The following RXFP1 variants were observed in gnomAD, a reference collection of about 807,000 sequenced individuals.
RXFP1 encodes relaxin family peptide receptor 1.
Under a neutral mutation model 89.8 loss-of-function variants are expected in RXFP1, and 73 were observed. That is an observed-to-expected ratio of 0.81 (90% CI 0.67 to 0.99). RXFP1 has a LOEUF of 0.99. RXFP1 is among the 50% of genes least tolerant of loss of function. RXFP1 has a pLI of 0.00. For synonymous variants in RXFP1, 277 were observed against 305.5 expected, an observed-to-expected ratio of 0.91 and a Z score of 0.97; for missense variants, 793 against 895.5, an observed-to-expected ratio of 0.89 and a Z score of 1.46.
chr4:158,649,349 AT>A (rs1191761303), intron 17 of RXFP1, among the ~76,000 whole-genome samples: 2 of 152,034 alleles, frequency 1.3e-5, no homozygotes, highest in Non-Finnish European at 2.9e-5. Context: ...TAATTACTGC[AT>A]TTTTTTTCAA....
chr4:158,560,788 G>T (rs74691372), intron 1 of RXFP1, among the ~76,000 whole-genome samples: 1 of 152,282 alleles, frequency 6.6e-6, no homozygotes, highest in East Asian at 1.9e-4. Context: ...TCCATCTCTT[G>T]TGTCAAGAAA....
intron 12 of RXFP1, among the ~76,000 whole-genome samples, chr4:158,636,074 T>C (rs989303107): frequency 5.3e-5 from 8 of 152,062 alleles, no homozygotes; most frequent in African/African-American, 1.9e-4. Flanking sequence ...TTTTCAAAGA[T>C]TCTGAAATTT....
At chr4:158,628,832 A>G (rs1227744670) in intron 11 of RXFP1, 123 bp downstream of exon 11, 3 of 467,546 alleles carry the variant, frequency 6.4e-6, no homozygotes, top group Non-Finnish European at 1.1e-5. Context: ...CATTATTTAC[A>G]TATATACACC....
chr4:158,525,000 C>A (rs1742131033), intron 1 of RXFP1, among the ~76,000 whole-genome samples: 1 of 152,140 alleles, frequency 6.6e-6, no homozygotes, highest in East Asian at 1.9e-4. Context: ...GGCTACCTGG[C>A]CTTTGCTTTG....
intron 1 of RXFP1, among the ~76,000 whole-genome samples, chr4:158,553,469 T>C (rs1451844606): frequency 6.6e-6 from 1 of 151,716 alleles, no homozygotes; most frequent in Non-Finnish European, 1.5e-5. Context: ...GAAGCTCAGG[T>C]GAAGGACTGA....
At chr4:158,561,765 T>G (rs1752502489) in intron 1 of RXFP1, among the ~76,000 whole-genome samples, 1 of 151,640 alleles carries the variant, frequency 6.6e-6, no homozygotes, top group Non-Finnish European at 1.5e-5. Context: ...GTAGCCAGGA[T>G]TACAGGCGTG....
chr4:158,541,380 A>ACACG (rs1248381072), intron 1 of RXFP1, among the ~76,000 whole-genome samples: 3 of 151,720 alleles, frequency 2.0e-5, no homozygotes, highest in African/African-American at 7.3e-5. Context: ...ACACACACAC[A>ACACG]CAGTGTCCAG....
In RXFP1 at chr4:158,526,857, A is replaced by C. The variant is rs555027540; in HGVS notation, c.49+4832A>C. Among the ~76,000 whole-genome samples the C allele has an allele frequency of 3.3e-5, 5 of 152,312 alleles. No individual in the cohort carries two copies. The South Asian group carries it at 6.2e-4, about 19-fold the overall frequency. ...GACTTTTCACCAGCTGGTCTAGGCC[A>C]CCTGGAGCCCTTGCCTCTGGCCATT... is the stretch of plus-strand genomic sequence containing the variant. On this transcript the variant is annotated intron_variant, in intron 1 of 17. Transcript: ENST00000307765.
chr4:158,639,238 A>T, intron 13 of RXFP1, 22 bp from the exon 14 acceptor site: 1 of 1,316,732 alleles, frequency 7.6e-7, no homozygotes, highest in Non-Finnish European at 1.1e-6. Flanking sequence ...CCTTTGATTG[A>T]TTATTAATTT....
At chr4:158,576,223 G>T (rs1756168583) in intron 2 of RXFP1, among the ~76,000 whole-genome samples, 1 of 152,086 alleles carries the variant, frequency 6.6e-6, no homozygotes, top group Non-Finnish European at 1.5e-5. Context: ...TCCAAAAGTA[G>T]TCCTGAGACC....
At chr4:158,547,944 G>A (rs899837303) in intron 1 of RXFP1, among the ~76,000 whole-genome samples, 11 of 152,200 alleles carry the variant, frequency 7.2e-5, no homozygotes, top group African/African-American at 2.4e-4. Context: ...GGGGTGGAAA[G>A]TTCTGTAGAT....
At chr4:158,569,514 C>A (rs1436131789) in intron 1 of RXFP1, among the ~76,000 whole-genome samples, 3 of 152,144 alleles carry the variant, frequency 2.0e-5, no homozygotes, top group Admixed American at 2.0e-4. Context: ...GTGGAGGAGG[C>A]AGGGACTATA....
Position 158,646,887 on chromosome 4 carries a change from A to G in RXFP1, c.1442A>G (p.Glu481Gly). Residue 481 changes from glutamate (E) to glycine (G), a missense_variant, in exon 16 of 18, where the codon GAG becomes GGG. Physicochemically the swap from Glu to Gly is moderately conservative, Grantham distance 98. Transcript: ENST00000307765. ...EYNKHAQLWM[E>G]STHCQLVGSL... Reference sequence around the variant, plus strand: ...AATAAGCATGCGCAGCTGTGGATGGAGAGTACTCATTGTCAGCTTGTAGGA... The same window carrying G: ...AATAAGCATGCGCAGCTGTGGATGGGGAGTACTCATTGTCAGCTTGTAGGA... The G allele has an allele frequency of 6.2e-7, 1 of 1,614,130 alleles. No homozygotes were observed. Among genetic ancestry groups the G allele is most frequent in the Non-Finnish European group, 8.5e-7 (1 of 1,179,982 alleles).
At chr4:158,589,389 A>G (rs1159781443) in intron 2 of RXFP1, among the ~76,000 whole-genome samples, 1 of 152,230 alleles carries the variant, frequency 6.6e-6, no homozygotes, top group Non-Finnish European at 1.5e-5. Flanking sequence ...ATTCTCATGC[A>G]AATTCCTTGG....
At chr4:158,599,557 A>G in intron 4 of RXFP1, 126 bp downstream of exon 4, 1 of 748,668 alleles carries the variant, frequency 1.3e-6, no homozygotes, top group Non-Finnish European at 2.1e-6. Context: ...TTCCTGGGTC[A>G]GGTATAATAA....
chr4:158,579,191 C>A (rs2150020837), intron 2 of RXFP1, among the ~76,000 whole-genome samples: 1 of 152,030 alleles, frequency 6.6e-6, no homozygotes, highest in Admixed American at 6.5e-5. Flanking sequence ...CCTAAACCTT[C>A]TGAGACGCTG....
At chr4:158,598,452 G>A (rs1352490980) in intron 3 of RXFP1, among the ~76,000 whole-genome samples, 1 of 152,172 alleles carries the variant, frequency 6.6e-6, no homozygotes, top group Non-Finnish European at 1.5e-5. Flanking sequence ...TAGGGCTCCA[G>A]AAGTCAATAT....
rs1308351060 is a variant in RXFP1, at chr4:158,521,953, A to T, written c.-24A>T. 5 of 1,596,676 alleles carry T rather than the reference A, an allele frequency of 3.1e-6. No homozygotes were observed. The Admixed American group carries it at 8.5e-5, about 27-fold the overall frequency. ...AGACCAAATTTTGCTCACTTTCATT[A>T]ATCAGTTGCTCAGATAGAAGGAAAT... is the stretch of plus-strand genomic sequence containing the variant. On this transcript the variant is annotated 5_prime_UTR_variant, in exon 1 of 18. Transcript: ENST00000307765.
chr4:158,615,070 AT>A (rs1764290604), intron 8 of RXFP1, among the ~76,000 whole-genome samples: 2 of 152,124 alleles, frequency 1.3e-5, no homozygotes, highest in African/African-American at 4.8e-5. Flanking sequence ...AGGGCCCATA[AT>A]TCTTGTGGGA....
Sources: allele counts gnomAD v4.1 joint callset (sites outside exome capture counted in the v4.1 genomes callset), GRCh38; gene constraint gnomAD v4.1.1; transcripts MANE v1.5; gene names NCBI Gene and HGNC (gene_info 2026-07-23, HGNC 2026-07-21).